The following OTUD4 variants were observed in gnomAD, a reference collection of about 807,000 sequenced individuals.
OTUD4 encodes the protein OTU deubiquitinase 4.
A neutral mutation model predicts 130.4 loss-of-function variants in OTUD4; 24 were observed. That is an observed-to-expected ratio of 0.18 (90% CI 0.13 to 0.26). The LOEUF (loss-of-function observed/expected upper bound fraction) is 0.26, where lower values mean the gene tolerates loss of function less well. Ranked by LOEUF, OTUD4 falls within the 10% of genes least tolerant of loss-of-function variation. The pLI, the probability that OTUD4 is intolerant of heterozygous loss-of-function variation, is 1.00. For missense variants in OTUD4, 1,031 were observed against 1,329.4 expected, an observed-to-expected ratio of 0.78 and a Z score of 3.49; for synonymous variants, 420 against 472.5, an observed-to-expected ratio of 0.89 and a Z score of 1.44.
chr4:145,172,541 T>TTTAGA (rs1752227318), intron 2 of OTUD4, among the ~76,000 whole-genome samples: 1 of 152,206 alleles, frequency 6.6e-6, no homozygotes, highest in African/African-American at 2.4e-5. Flanking sequence ...GCAATCGCAC[T>TTTAGA]CATTTGAGAA....
At chr4:145,159,872 T>A (rs1454842678) in intron 6 of OTUD4, among the ~76,000 whole-genome samples, 2 of 152,190 alleles carry the variant, frequency 1.3e-5, no homozygotes, top group African/African-American at 2.4e-5. Flanking sequence ...GTGCCATTTT[T>A]AAAACTAACA....
chr4:145,139,908 A>T (rs1308909277), intron 20 of OTUD4, 43 bp downstream of exon 20: 23 of 624,060 alleles, frequency 3.7e-5, no homozygotes, highest in Non-Finnish European at 5.8e-5. Context: ...TTAAAACACT[A>T]TTAATGAATA....
intron 1 of OTUD4, chr4:145,179,565 CCTCAA>C (rs1752589291): frequency 7.6e-7 from 1 of 1,317,994 alleles, no homozygotes; most frequent in South Asian, 1.7e-5. Context: ...CACAAGTTGT[CCTCAA>C]CTCATTACCT....
At chr4:145,152,430 T>C (rs968478289) in intron 11 of OTUD4, 111 bp downstream of exon 11, 2 of 653,856 alleles carry the variant, frequency 3.1e-6, no homozygotes, top group Non-Finnish European at 5.4e-6. Flanking sequence ...TTTCTATACA[T>C]GGGCAATTAT....
At chr4:145,146,199 C>A in intron 14 of OTUD4, 68 bp downstream of exon 14, 1 of 1,040,418 alleles carries the variant, frequency 9.6e-7, no homozygotes. Flanking sequence ...GGAACTATGG[C>A]TTAATCTAAA....
At chr4:145,174,606 G>A in intron 2 of OTUD4, 55 bp downstream of exon 2, 5 of 1,010,074 alleles carry the variant, frequency 5.0e-6, no homozygotes, top group South Asian at 1.3e-5. Flanking sequence ...ACTTCTAAAA[G>A]CCAAAATGTA....
At chr4:145,159,062 T>C (rs1323141029) in intron 7 of OTUD4, 2 of 717,922 alleles carry the variant, frequency 2.8e-6, no homozygotes, top group African/African-American at 3.9e-5. Flanking sequence ...GGTGTTCACA[T>C]ACTTATAACC....
At chr4:145,157,279 C>G (rs1301746575) in intron 7 of OTUD4, among the ~76,000 whole-genome samples, 1 of 152,196 alleles carries the variant, frequency 6.6e-6, no homozygotes, top group African/African-American at 2.4e-5. Flanking sequence ...CCCAAAATCT[C>G]ATCTTGAATT....
intron 10 of OTUD4, among the ~76,000 whole-genome samples, chr4:145,154,957 T>A (rs931502246): frequency 1.9e-4 from 29 of 152,214 alleles, no homozygotes; most frequent in African/African-American, 7.0e-4. Context: ...CTTATTCAAA[T>A]TAATTGGCAA....
At position 145,150,583 on chromosome 4, in the gene OTUD4, A is replaced by C. The variant is rs878919412; in HGVS notation, c.1189T>G (p.Ser397Ala). ...VRQHAFSSHS[S>A]GSQSQKFSSE... ...GAGAATTTCTGAGACTGTGACCCTG[A>C]AGAATGACTAGAGAACGCATGTTGT... The change falls in exon 13 of 21, where the codon TCA (serine) becomes GCA (alanine). Residue 397 changes from serine (S) to alanine (A), a missense_variant. Coordinates refer to ENST00000447906, the MANE Select transcript of OTUD4 (RefSeq NM_001366057.1). 3 of 1,613,176 alleles carry C rather than the reference A, an allele frequency of 1.9e-6. No individual in the cohort carries two copies.
intron 14 of OTUD4, 169 bp downstream of exon 14, chr4:145,146,098 T>C (rs745366527): frequency 4.9e-5 from 21 of 427,772 alleles, no homozygotes; most frequent in Non-Finnish European, 7.6e-5. Flanking sequence ...TCTAGAGATA[T>C]TACTAAATAT....
chr4:145,157,981 G>C (rs1394665771), intron 7 of OTUD4, among the ~76,000 whole-genome samples: 2 of 152,158 alleles, frequency 1.3e-5, no homozygotes, highest in African/African-American at 4.8e-5. Context: ...GTTGTAACAA[G>C]CTAGTCATTC....
At chr4:145,164,300 A>G in intron 4 of OTUD4, 74 bp from the exon 5 acceptor site, 1 of 716,660 alleles carries the variant, frequency 1.4e-6, no homozygotes, top group Non-Finnish European at 2.4e-6. Context: ...TCATTCATTC[A>G]TCAAGGGCCT....
chr4:145,147,115 G>C (rs1280225574), intron 13 of OTUD4, among the ~76,000 whole-genome samples: 3 of 152,148 alleles, frequency 2.0e-5, no homozygotes, highest in Admixed American at 6.5e-5. Flanking sequence ...ATCAAAAGCA[G>C]TATGAATACT....
chr4:145,137,250 A>C lies in OTUD4; in HGVS notation c.*180T>G. 2.0e-6 allele frequency: 1 copy of C among 489,678 alleles called. No homozygotes were observed. The highest frequency in any genetic ancestry group is 3.7e-5 in the Admixed American group (1 of 27,280). The allele number at this position is 489,678 out of a possible 1,614,324, so 30.3% of individuals were successfully genotyped here. On this transcript the variant is annotated 3_prime_UTR_variant, in exon 21 of 21. Coordinates refer to ENST00000447906, the MANE Select transcript of OTUD4 (RefSeq NM_001366057.1). Reference sequence around the variant, plus strand: ...ATGAAGAAAACTGGCAATGCCAGGAATTAACCTGCCCCCTTGAACTCATGT... The same window carrying C: ...ATGAAGAAAACTGGCAATGCCAGGACTTAACCTGCCCCCTTGAACTCATGT...
chr4:145,162,564 A>G (rs1751631651), intron 6 of OTUD4, 76 bp downstream of exon 6: 3 of 816,184 alleles, frequency 3.7e-6, no homozygotes, highest in Non-Finnish European at 5.8e-6. Context: ...AAAAAAACAA[A>G]AAACAAAACA....
In OTUD4 at chr4:145,171,731, T is replaced by C; in HGVS notation, c.244-11A>G. 1 of 1,182,884 alleles carries C rather than the reference T, an allele frequency of 8.5e-7. No homozygotes were observed. The highest frequency in any genetic ancestry group is 1.3e-6 in the Non-Finnish European group (1 of 791,038). 73.3% of individuals were successfully genotyped at this position (1,182,884 alleles called of 1,614,324 possible). A position where few individuals can be genotyped will look rare whatever the true frequency, so the allele number is the denominator to read the frequency against. ...TGATCCTTCTATAAACTGCAAAAAA[T>C]AAATCTATTAGAAATGTCATCTAAC... On this transcript the variant is annotated splice_polypyrimidine_tract_variant and intron_variant, in intron 2 of 20. Coordinates refer to ENST00000447906, the MANE Select transcript of OTUD4 (RefSeq NM_001366057.1).
At position 145,135,365 on chromosome 4, in the gene OTUD4, A is replaced by C. The variant is rs1325540914; in HGVS notation, c.*2065T>G. 1.3e-5 allele frequency: 2 copies of C among 152,332 alleles called. No individual in the cohort carries two copies. 9.4% of individuals were successfully genotyped at this position (152,332 alleles called of 1,614,324 possible). A position where few individuals can be genotyped will look rare whatever the true frequency, so the allele number is the denominator to read the frequency against. On this transcript the variant is annotated 3_prime_UTR_variant, in exon 21 of 21. Transcript: ENST00000447906. Reference sequence around the variant, plus strand: ...TTTTTAAACATTTTCAGAAGCTGAGATCAAACCCCAGTCAATAAAATGCAG... The same window carrying C: ...TTTTTAAACATTTTCAGAAGCTGAGCTCAAACCCCAGTCAATAAAATGCAG...
Position 145,152,372 on chromosome 4 carries a change from A to G in OTUD4, c.968+169T>C, listed in dbSNP as rs575910937. Among the ~76,000 whole-genome samples the G allele has an allele frequency of 2.0e-5, 3 of 152,192 alleles. No individual in the cohort carries two copies. In the South Asian group the frequency reaches 6.2e-4, roughly 32 times the overall value. On this transcript the variant is annotated intron_variant, in intron 11 of 20. Coordinates refer to ENST00000447906, the MANE Select transcript of OTUD4 (RefSeq NM_001366057.1). ...ATGATCCACCCATCTCGGCCTCCCA[A>G]AGTGCTAGGATTACAGGCATGAGCC...
Sources: gnomAD v4.1 joint callset for allele counts (sites outside exome capture counted in the v4.1 genomes callset) on GRCh38, gnomAD v4.1.1 for gene constraint, MANE v1.5 for transcripts, NCBI Gene and HGNC (gene_info 2026-07-23, HGNC 2026-07-21) for gene names.